XYLT1: variants seen among roughly 807,000 people sequenced by gnomAD.
The protein encoded by XYLT1 is beta-D-xylosyltransferase 1.
In XYLT1, 36 loss-of-function variants were observed where a neutral mutation model predicts 91.3. The observed-to-expected ratio is 0.39, with a 90% CI of 0.30 to 0.52. The LOEUF (loss-of-function observed/expected upper bound fraction) is 0.52. Ranked by LOEUF, XYLT1 falls within the 20% of genes least tolerant of loss-of-function variation. The pLI is 0.68. For missense variants in XYLT1, 1,242 were observed against 1,284.5 expected (o/e 0.97, Z 0.51); for synonymous variants, 588 against 532.0 (o/e 1.11, Z -1.45).
chr16:17,229,368 T>C (rs111694183), intron 3 of XYLT1, among the ~76,000 whole-genome samples: 4,042 of 152,304 alleles, frequency 0.027, 70 homozygotes, highest in Admixed American at 0.038. Flanking sequence ...ACCGGATGAA[T>C]GTGACTGTAG....
chr16:17,379,178 G>A (rs1017555488), intron 1 of XYLT1, among the ~76,000 whole-genome samples: 2 of 152,070 alleles, frequency 1.3e-5, no homozygotes, highest in Non-Finnish European at 2.9e-5. Context: ...AATGCTCCCC[G>A]GGCAGGCAGC....
At chr16:17,448,843 A>G (rs2036628227) in intron 1 of XYLT1, among the ~76,000 whole-genome samples, 1 of 152,136 alleles carries the variant, frequency 6.6e-6, no homozygotes, top group Non-Finnish European at 1.5e-5. Context: ...AATGAGGTGC[A>G]TGTATTAACT....
intron 5 of XYLT1, among the ~76,000 whole-genome samples, chr16:17,160,012 C>T (rs1401497925): frequency 1.3e-5 from 2 of 152,114 alleles, no homozygotes; most frequent in East Asian, 3.9e-4. Context: ...GAGAAGAGAG[C>T]AGAAAGATAA....
intron 6 of XYLT1, among the ~76,000 whole-genome samples, chr16:17,151,824 T>C (rs963471273): frequency 7.9e-5 from 12 of 152,198 alleles, no homozygotes; most frequent in Non-Finnish European, 1.6e-4. Context: ...ATACCACTTC[T>C]GACCTGGGGC....
intron 2 of XYLT1, among the ~76,000 whole-genome samples, chr16:17,340,813 C>A (rs1016169401): frequency 6.6e-6 from 1 of 152,200 alleles, no homozygotes; most frequent in Non-Finnish European, 1.5e-5. Context: ...TTTTAGCCAT[C>A]ATTATCCATC....
At chr16:17,141,509 TC>T in intron 6 of XYLT1, 140 bp from the exon 7 acceptor site, 1 of 797,702 alleles carries the variant, frequency 1.3e-6, no homozygotes. Flanking sequence ...GCTCCAGGGC[TC>T]TGCGTGGAGT....
chr16:17,384,981 G>C (rs1375378274), intron 1 of XYLT1, among the ~76,000 whole-genome samples: 2 of 151,846 alleles, frequency 1.3e-5, no homozygotes, highest in Non-Finnish European at 2.9e-5. Context: ...GCGACAGTTA[G>C]TGCTGTCCTA....
At chr16:17,422,143 C>T (rs1055708926) in intron 1 of XYLT1, among the ~76,000 whole-genome samples, 7 of 152,028 alleles carry the variant, frequency 4.6e-5, no homozygotes, top group Non-Finnish European at 8.8e-5. Context: ...CCACCACACC[C>T]GGCTAATTTT....
chr16:17,257,278 C>G (rs2033647915), intron 3 of XYLT1, among the ~76,000 whole-genome samples: 1 of 152,120 alleles, frequency 6.6e-6, no homozygotes, highest in African/African-American at 2.4e-5. Flanking sequence ...GCTCCCTGGA[C>G]AGATAAGAAA....
intron 2 of XYLT1, among the ~76,000 whole-genome samples, chr16:17,268,148 G>A (rs979006054): frequency 4.6e-5 from 7 of 152,056 alleles, no homozygotes; most frequent in African/African-American, 7.3e-5. Flanking sequence ...TCCACTGCAC[G>A]TCATACTGCA....
At position 17,295,331 on chromosome 16, in the gene XYLT1, G is replaced by GTTTTTGT. The variant is rs1555495162; in HGVS notation, c.403-35840_403-35834dup. Among the ~76,000 whole-genome samples, 23 of 109,964 alleles carry GTTTTTGT rather than the reference G, an allele frequency of 2.1e-4. No individual in the cohort carries two copies. In the South Asian group the frequency reaches 6.3e-3, roughly 30 times the overall value. 72.1% of individuals were successfully genotyped at this position (109,964 alleles called of 152,430 possible). On this transcript the variant is annotated intron_variant, in intron 2 of 11. Transcript: ENST00000261381. ...GATCAATAAAGCATTATAGAGCCAG[G>GTTTTTGT]TTTTTGTTTTGTTTTGTTTTGTTTT...
chr16:17,376,227 G>A (rs775097930), intron 1 of XYLT1, among the ~76,000 whole-genome samples: 6 of 152,198 alleles, frequency 3.9e-5, no homozygotes, highest in Non-Finnish European at 8.8e-5. Flanking sequence ...GAAAGGGAGC[G>A]TGTACTGGCA....
intron 5 of XYLT1, among the ~76,000 whole-genome samples, chr16:17,174,496 G>C (rs2031895758): frequency 6.6e-6 from 1 of 152,156 alleles, no homozygotes; most frequent in African/African-American, 2.4e-5. Flanking sequence ...AAAACATAAT[G>C]CTAAGTGAAA....
rs1433394988 is a variant in XYLT1 at position 17,466,693 on chromosome 16, T to C, written c.363+3741A>G. ...AAAGACCGGAAGGAAAGTGAATACA[T>C]AGATATATTAGAATTCATATTACAA... is the stretch of plus-strand genomic sequence containing the variant. On this transcript the variant is annotated intron_variant, in intron 1 of 11. Coordinates refer to ENST00000261381, the MANE Select transcript of XYLT1 (RefSeq NM_022166.4). 6.6e-5 allele frequency among the ~76,000 whole-genome samples: 10 copies of C among 152,250 alleles called. 1 individual carries two copies. The highest frequency in any genetic ancestry group is 5.8e-4 in the East Asian group (3 of 5,202).
chr16:17,134,566 C>T lies in XYLT1; in HGVS notation c.1934G>A (p.Ser645Asn), dbSNP rs560725164. The T allele has an allele frequency of 6.2e-7, 1 of 1,614,186 alleles. No homozygotes were observed. The highest frequency in any genetic ancestry group is 1.1e-5 in the South Asian group (1 of 91,082). ...GTGGTACAAGGTGAGTGTCACGTCGCTCAGGCTGTGGATGCCGTCAGGCTC... is the reference window on the plus strand; with the variant it reads ...GTGGTACAAGGTGAGTGTCACGTCGTTCAGGCTGTGGATGCCGTCAGGCTC... The part of the protein sequence containing the change: ...YDEPDGIHSL[S>N]DVTLTLYHSF... Residue 645 changes from serine (S) to asparagine (N), a missense_variant, in exon 9 of 12, where the codon AGC becomes AAC. Physicochemically the swap from Ser to Asn is conservative, Grantham distance 46. This residue lies in a region of XYLT1 where 511 missense variants were observed against 497.0 expected (regional missense o/e 1.03). Transcript: ENST00000261381.
rs141436529 is a variant in XYLT1 at position 17,422,572 on chromosome 16, C to T, written c.363+47862G>A. ...TCACCCAGGCTGGAGTGCAGTAGTGCGATCTTGGCTCACTGCAGCCTCCGC... is the reference window on the plus strand; with the variant it reads ...TCACCCAGGCTGGAGTGCAGTAGTGTGATCTTGGCTCACTGCAGCCTCCGC... On this transcript the variant is annotated intron_variant, in intron 1 of 11. Coordinates refer to ENST00000261381, the MANE Select transcript of XYLT1 (RefSeq NM_022166.4). Among the ~76,000 whole-genome samples the T allele has an allele frequency of 1.0e-3, 155 of 152,100 alleles. 2 individuals carry two copies. The East Asian group carries it at 0.028, about 27-fold the overall frequency.
At chr16:17,355,884 A>AT (rs902105377) in intron 2 of XYLT1, among the ~76,000 whole-genome samples, 8 of 151,428 alleles carry the variant, frequency 5.3e-5, no homozygotes, top group East Asian at 1.9e-4. Flanking sequence ...TATGTTTTGT[A>AT]TTTTTTTTCA....
At chr16:17,144,184 GT>G (rs1249373563) in intron 6 of XYLT1, among the ~76,000 whole-genome samples, 18 of 152,172 alleles carry the variant, frequency 1.2e-4, no homozygotes, top group African/African-American at 4.3e-4. Context: ...GGTTGTTCTT[GT>G]TTTTGCTCAT....
In XYLT1 at chr16:17,104,045, C is replaced by A. The variant is rs751455224; in HGVS notation, c.*4650G>T. On this transcript the variant is annotated 3_prime_UTR_variant, in exon 12 of 12. Coordinates refer to ENST00000261381, the MANE Select transcript of XYLT1 (RefSeq NM_022166.4). ...ACTTTGTTCCCCCCTCCCAGGTAAA[C>A]TTCTCAGCAGACACAATGAGGTAGC... 21 of 152,788 alleles carry A rather than the reference C, an allele frequency of 1.4e-4. No individual in the cohort carries two copies. The highest frequency in any genetic ancestry group is 3.1e-4 in the Non-Finnish European group (21 of 68,182). The allele number at this position is 152,788 out of a possible 1,614,324, so 9.5% of individuals were successfully genotyped here.
Sources: gnomAD v4.1 joint callset for allele counts (sites outside exome capture counted in the v4.1 genomes callset) on GRCh38, gnomAD v4.1.1 for gene constraint, gnomAD v4.1.1 regional missense constraint, MANE v1.5 for transcripts, NCBI Gene and HGNC (gene_info 2026-07-23, HGNC 2026-07-21) for gene names.